The following ABLIM2 variants were observed in gnomAD, a reference collection of about 807,000 sequenced individuals.
The protein encoded by ABLIM2 is actin-binding LIM protein 2.
A neutral mutation model predicts 97.7 loss-of-function variants in ABLIM2; 53 were observed. That is an observed-to-expected ratio of 0.54 (90% CI 0.44 to 0.68). ABLIM2 has a LOEUF of 0.68. Ranked by LOEUF, ABLIM2 falls within the 30% of genes least tolerant of loss-of-function variation. ABLIM2 has a pLI of 0.00. For synonymous variants in ABLIM2, 361 were observed against 345.8 expected, an observed-to-expected ratio of 1.04 and a Z score of -0.49; for missense variants, 835 against 867.2, an observed-to-expected ratio of 0.96 and a Z score of 0.47.
intron 5 of ABLIM2, among the ~76,000 whole-genome samples, chr4:8,079,432 A>C (rs1372688696): frequency 6.6e-6 from 1 of 152,040 alleles, no homozygotes; most frequent in East Asian, 1.9e-4. Context: ...TTTTATATTA[A>C]AGTGCTGCGT....
Position 8,152,664 on chromosome 4 carries a change from C to T in ABLIM2, c.10+6016G>A, listed in dbSNP as rs553195909. On this transcript the variant is annotated intron_variant, in intron 1 of 20. Coordinates refer to ENST00000447017, the MANE Select transcript of ABLIM2 (RefSeq NM_001130083.2). Reference sequence around the variant, plus strand: ...CGGGGCTTCCCCGGGACTGGGACAGCCGCGTCCATCATGCGGGGATGACTG... The same window carrying T: ...CGGGGCTTCCCCGGGACTGGGACAGTCGCGTCCATCATGCGGGGATGACTG... Among the ~76,000 whole-genome samples the T allele has an allele frequency of 3.8e-3, 574 of 152,332 alleles. 4 individuals are homozygous for T. Among genetic ancestry groups the T allele is most frequent in the African/African-American group, 0.013 (538 of 41,564 alleles).
chr4:8,067,905 C>T lies in ABLIM2; in HGVS notation c.676-6851G>A, dbSNP rs1472981392. 1.3e-5 allele frequency among the ~76,000 whole-genome samples: 2 copies of T among 152,182 alleles called. No individual in the cohort carries two copies. The highest frequency in any genetic ancestry group is 3.9e-4 in the East Asian group (2 of 5,190). On this transcript the variant is annotated intron_variant, in intron 6 of 20. Coordinates refer to ENST00000447017, the MANE Select transcript of ABLIM2 (RefSeq NM_001130083.2). This position sits in a 1 kb window ranked among gnomAD's most constrained non-coding sequence, Gnocchi z 5.4. The stretch of plus-strand genomic sequence containing the variant: ...AACCGGGCTCTGTGATTCCAGAGGA[C>T]ATTTAGCTGGAAGGTACCGGCATGG...
rs1004714743 is a variant in ABLIM2 at position 8,071,110 on chromosome 4, G to A, written c.675+6518C>T. ...TTATGCAGCCCTGGTCTAGAGGCTG[G>A]TCACACCGCTGTCCCCGTGGATTCG... On this transcript the variant is annotated intron_variant, in intron 6 of 20. Coordinates refer to ENST00000447017, the MANE Select transcript of ABLIM2 (RefSeq NM_001130083.2). This position sits in a 1 kb window ranked among gnomAD's most constrained non-coding sequence, Gnocchi z 6.2. Among the ~76,000 whole-genome samples the A allele has an allele frequency of 2.0e-5, 3 of 152,162 alleles. No homozygotes were observed. Among genetic ancestry groups the A allele is most frequent in the African/African-American group, 7.2e-5 (3 of 41,440 alleles).
intron 1 of ABLIM2, among the ~76,000 whole-genome samples, chr4:8,121,016 A>G (rs149647228): frequency 6.6e-6 from 1 of 152,240 alleles, no homozygotes; most frequent in Non-Finnish European, 1.5e-5. Context: ...TCAAAAAACG[A>G]TAGTCCAATC....
At position 8,061,117 on chromosome 4, in the gene ABLIM2, C is replaced by A. The variant is rs578202273; in HGVS notation, c.676-63G>T. 4 of 1,416,248 alleles carry A rather than the reference C, an allele frequency of 2.8e-6. No homozygotes were observed. In the African/African-American group the frequency reaches 4.3e-5, roughly 15 times the overall value. The allele number at this position is 1,416,248 out of a possible 1,614,324, so 87.7% of individuals were successfully genotyped here. On this transcript the variant is annotated intron_variant, in intron 6 of 20. Transcript: ENST00000447017. This position sits in a 1 kb window ranked among gnomAD's most constrained non-coding sequence, Gnocchi z 4.5. The stretch of plus-strand genomic sequence containing the variant: ...GCCAGAAAGGTCGGCTGGGTCCCAG[C>A]GCCCGGCATGGATACAGCATGCCCT...
chr4:8,110,176 C>T (rs1217292593), intron 1 of ABLIM2, among the ~76,000 whole-genome samples: 1 of 152,256 alleles, frequency 6.6e-6, no homozygotes, highest in Admixed American at 6.5e-5. Flanking sequence ...AGTCAGAGCT[C>T]ACAGGGGTGG....
intron 20 of ABLIM2, among the ~76,000 whole-genome samples, chr4:7,980,746 G>A (rs981769107): frequency 4.6e-5 from 7 of 151,170 alleles, no homozygotes; most frequent in Non-Finnish European, 8.8e-5. Context: ...CTGCAGAGCT[G>A]TCTCTTGTGG....
rs569791198 is a variant in ABLIM2, at chr4:8,143,163, G to C, written c.10+15517C>G. 1.3e-3 allele frequency among the ~76,000 whole-genome samples: 187 copies of C among 148,654 alleles called. 5 individuals carry two copies. The highest frequency in any genetic ancestry group is 4.4e-3 in the African/African-American group (178 of 40,394). ...TACTGGGAGCGGGGGCGAGAGTGGG[G>C]GGGGGGGGCGTCTGCAAATGCATCT... On this transcript the variant is annotated intron_variant, in intron 1 of 20. Transcript: ENST00000447017.
intron 7 of ABLIM2, among the ~76,000 whole-genome samples, chr4:8,055,262 G>T (rs1798342031): frequency 6.6e-6 from 1 of 152,216 alleles, no homozygotes; most frequent in Admixed American, 6.5e-5. Context: ...CCATCCTTCA[G>T]GATCTGGGGC....
At chr4:7,989,976 T>C (rs1284538944) in intron 17 of ABLIM2, among the ~76,000 whole-genome samples, 3 of 152,198 alleles carry the variant, frequency 2.0e-5, no homozygotes, top group African/African-American at 7.2e-5. Context: ...TGTGGCAGGC[T>C]TGGCTATTAG....
At position 8,028,694 on chromosome 4, in the gene ABLIM2, C is replaced by T. The variant is rs115488726; in HGVS notation, c.1169-837G>A. On this transcript the variant is annotated intron_variant, in intron 11 of 20. Transcript: ENST00000447017. ...ACTCACTCATTCATTCACTTGGTCA[C>T]GCATTCCTTCACTCACTAATTCAGT... Among the ~76,000 whole-genome samples the T allele has an allele frequency of 1.4e-3, 218 of 152,264 alleles. 4 individuals carry two copies. The highest frequency in any genetic ancestry group is 4.9e-3 in the African/African-American group (202 of 41,524).
rs115456768 is a variant in ABLIM2, at chr4:8,001,756, G to A, written c.1618+6303C>T. On this transcript the variant is annotated intron_variant, in intron 16 of 20. Transcript: ENST00000447017. The surrounding 1 kb of genome is among the most constrained non-coding windows in gnomAD (Gnocchi z 4.2). Reference sequence around the variant, plus strand: ...AGCTCTCCCTGGGCTGTCCCTCCACGCCCTTTCTGCAGGATCAGCCCTGCT... The same window carrying A: ...AGCTCTCCCTGGGCTGTCCCTCCACACCCTTTCTGCAGGATCAGCCCTGCT... Among the ~76,000 whole-genome samples the A allele has an allele frequency of 0.013, 1,960 of 152,196 alleles. 44 individuals are homozygous for A. The highest frequency in any genetic ancestry group is 0.045 in the African/African-American group (1,855 of 41,530).
Position 8,075,661 on chromosome 4 carries a change from C to T in ABLIM2, c.675+1967G>A, listed in dbSNP as rs1340214955. Among the ~76,000 whole-genome samples, 1 of 152,072 alleles carries T rather than the reference C, an allele frequency of 6.6e-6. No homozygotes were observed. Among genetic ancestry groups the T allele is most frequent in the East Asian group, 1.9e-4 (1 of 5,190 alleles). On this transcript the variant is annotated intron_variant, in intron 6 of 20. Coordinates refer to ENST00000447017, the MANE Select transcript of ABLIM2 (RefSeq NM_001130083.2). The surrounding 1 kb of genome is among the most constrained non-coding windows in gnomAD (Gnocchi z 4.4). ...GAGCTGTGATGACACCACCGCACTCCAGCCTGGGCAACTGAGTGAGAACCT... is the reference window on the plus strand; with the variant it reads ...GAGCTGTGATGACACCACCGCACTCTAGCCTGGGCAACTGAGTGAGAACCT...
intron 1 of ABLIM2, among the ~76,000 whole-genome samples, chr4:8,109,805 C>T (rs1473904701): frequency 3.3e-5 from 5 of 152,160 alleles, no homozygotes; most frequent in Admixed American, 1.3e-4. Context: ...GGCCTGCCTC[C>T]GGTTTTGCAA....
chr4:8,017,870 G>C (rs1416395334), intron 14 of ABLIM2, among the ~76,000 whole-genome samples: 2 of 152,030 alleles, frequency 1.3e-5, no homozygotes, highest in African/African-American at 2.4e-5. Context: ...GTTTGCTCCT[G>C]TAGTCCCAGG....
chr4:8,101,112 G>A (rs1396512128), intron 2 of ABLIM2, among the ~76,000 whole-genome samples: 3 of 152,236 alleles, frequency 2.0e-5, no homozygotes, highest in East Asian at 1.9e-4. Flanking sequence ...AGTGGAAGAC[G>A]GAGATGCCAA....
At position 8,140,734 on chromosome 4, in the gene ABLIM2, G is replaced by A. The variant is rs189321510; in HGVS notation, c.10+17946C>T. Among the ~76,000 whole-genome samples the A allele has an allele frequency of 1.3e-5, 2 of 152,232 alleles. No individual in the cohort carries two copies. Among genetic ancestry groups the A allele is most frequent in the African/African-American group, 2.4e-5 (1 of 41,524 alleles). ...TGAAGGTCCCACGGAGGCCAGCAGA[G>A]AGTAGCACCCAGACACATGTGGAAG... is the stretch of plus-strand genomic sequence containing the variant. On this transcript the variant is annotated intron_variant, in intron 1 of 20. Coordinates refer to ENST00000447017, the MANE Select transcript of ABLIM2 (RefSeq NM_001130083.2). The surrounding 1 kb of genome is among the most constrained non-coding windows in gnomAD (Gnocchi z 5.9).
rs1224362494 is a variant in ABLIM2 at position 8,120,628 on chromosome 4, C to G, written c.11-13991G>C. ...TCCAGAACTGTGGGAGGATGCACAT[C>G]TGCCAGTCCAGCCCCCATCTGTGTG... On this transcript the variant is annotated intron_variant, in intron 1 of 20. Coordinates refer to ENST00000447017, the MANE Select transcript of ABLIM2 (RefSeq NM_001130083.2). This position sits in a 1 kb window ranked among gnomAD's most constrained non-coding sequence, Gnocchi z 5.6. Among the ~76,000 whole-genome samples, 3 of 152,110 alleles carry G rather than the reference C, an allele frequency of 2.0e-5. No individual in the cohort carries two copies. Among genetic ancestry groups the G allele is most frequent in the Admixed American group, 2.0e-4 (3 of 15,274 alleles).
chr4:8,006,868 G>A (rs891976506), intron 16 of ABLIM2, among the ~76,000 whole-genome samples: 1 of 149,768 alleles, frequency 6.7e-6, no homozygotes, highest in Non-Finnish European at 1.5e-5. Flanking sequence ...CCCTCTGGGG[G>A]ATTTTTGCAG....
Sources: gnomAD v4.1 joint callset for allele counts (sites outside exome capture counted in the v4.1 genomes callset) on GRCh38, gnomAD v4.1.1 for gene constraint, Gnocchi (gnomAD v3.1) non-coding constraint, MANE v1.5 for transcripts, NCBI Gene and HGNC (gene_info 2026-07-23, HGNC 2026-07-21) for gene names.